PCDHA2: variants seen among roughly 807,000 people sequenced by gnomAD.
PCDHA2 encodes the protein protocadherin alpha-2.
Under a neutral mutation model 66.0 loss-of-function variants are expected in PCDHA2, and 58 were observed. The observed-to-expected ratio is 0.88, with a 90% CI of 0.71 to 1.09. PCDHA2 has a LOEUF of 1.09. PCDHA2 is among the 50% of genes least tolerant of loss of function. The pLI, the probability that PCDHA2 is intolerant of heterozygous loss-of-function variation, is 0.00. For missense variants in PCDHA2, 1,267 were observed against 1,242.3 expected (o/e 1.02, Z -0.30); for synonymous variants, 634 against 554.0 (o/e 1.14, Z -2.03).
At chr5:140,929,679 G>A (rs142104946) in intron 1 of PCDHA2, 4 of 303,052 alleles carry the variant, frequency 1.3e-5, no homozygotes, top group African/African-American at 2.2e-5. Context: ...TGAAAAATAT[G>A]TAAGAGTCTG....
chr5:140,854,013 T>A, intron 1 of PCDHA2: 16 of 343,618 alleles, frequency 4.7e-5, no homozygotes, highest in Non-Finnish European at 6.8e-5. Context: ...AAAAAAAAAA[T>A]TAGCCGGGCA....
At position 140,796,890 on chromosome 5, in the gene PCDHA2, C is replaced by T; in HGVS notation, c.1926C>T (p.Ser642=). 2 of 1,613,974 alleles carry T rather than the reference C, an allele frequency of 1.2e-6. No individual in the cohort carries two copies. Residue 642 remains serine, a synonymous_variant, in exon 1 of 4, where the codon TCC becomes TCT. Coordinates refer to ENST00000526136, the MANE Select transcript of PCDHA2 (RefSeq NM_018905.3). ...STTRALDEAD[S]PRHRLLVLVK... The stretch of plus-strand genomic sequence containing the variant: ...CACGTGCCCTAGACGAGGCTGACTC[C>T]CCTCGACACCGCCTACTCGTGCTGG...
intron 3 of PCDHA2, among the ~76,000 whole-genome samples, chr5:141,004,084 T>C (rs2098151963): frequency 6.6e-6 from 1 of 152,234 alleles, no homozygotes; most frequent in Non-Finnish European, 1.5e-5. Context: ...GGTAGAAATG[T>C]GCTTCTTCCG....
At chr5:140,821,787 C>T in intron 1 of PCDHA2, 2 of 1,611,374 alleles carry the variant, frequency 1.2e-6, no homozygotes, top group East Asian at 4.5e-5. Context: ...TGGTATATTC[C>T]CGGAGAGGAA....
At chr5:140,871,197 C>T (rs1554165260) in intron 1 of PCDHA2, 1 of 1,613,664 alleles carries the variant, frequency 6.2e-7, no homozygotes, top group Admixed American at 1.7e-5. Flanking sequence ...TCAACGTGTA[C>T]CTGATCATCG....
At position 140,875,988 on chromosome 5, in the gene PCDHA2, A is replaced by G. The variant is rs144050089; in HGVS notation, c.2388+78636A>G. On this transcript the variant is annotated intron_variant, in intron 1 of 3. Transcript: ENST00000526136. ...TAAACTCTCTTTTGACCTATGCGTT[A>G]AGTCTAAATGAGAATTTTGAGCTTA... 4,280 of 1,614,014 alleles carry G rather than the reference A, an allele frequency of 2.7e-3. 13 individuals are homozygous for G. The highest frequency in any genetic ancestry group is 3.4e-3 in the Non-Finnish European group (4,021 of 1,179,898).
At chr5:140,851,140 G>A in intron 1 of PCDHA2, 2 of 1,310,362 alleles carry the variant, frequency 1.5e-6, no homozygotes, top group East Asian at 5.4e-5. Context: ...TGATTAAAGT[G>A]ACATTGAATT....
intron 1 of PCDHA2, chr5:140,968,774 C>G: frequency 6.2e-7 from 1 of 1,614,206 alleles, no homozygotes; most frequent in Non-Finnish European, 8.5e-7. Flanking sequence ...AGAGCCATCA[C>G]TATCAGCCTC....
chr5:140,838,539 A>G (rs1185872182), intron 1 of PCDHA2, among the ~76,000 whole-genome samples: 1 of 151,946 alleles, frequency 6.6e-6, no homozygotes, highest in Admixed American at 6.6e-5. Context: ...TTATGGATAT[A>G]TCATGATTTA....
intron 1 of PCDHA2, chr5:140,797,571 C>T: frequency 1.5e-6 from 1 of 656,632 alleles, no homozygotes; most frequent in Non-Finnish European, 2.6e-6. Flanking sequence ...TTTGGCACTT[C>T]CATCATTAAG....
intron 1 of PCDHA2, chr5:140,852,044 T>C (rs1581270101): frequency 2.2e-6 from 2 of 922,218 alleles, no homozygotes; most frequent in South Asian, 5.0e-5. Context: ...GTTTTTGTTA[T>C]GTGGTTTATA....
intron 3 of PCDHA2, among the ~76,000 whole-genome samples, chr5:141,004,751 T>C (rs1323540564): frequency 2.0e-5 from 3 of 152,182 alleles, no homozygotes; most frequent in African/African-American, 7.2e-5. Flanking sequence ...TCTCAGTCTC[T>C]TAGAGACAGG....
chr5:140,884,967 G>A (rs895578956), intron 1 of PCDHA2, among the ~76,000 whole-genome samples: 2 of 152,134 alleles, frequency 1.3e-5, no homozygotes, highest in African/African-American at 4.8e-5. Context: ...CTCACGTTGT[G>A]AGAACTTAAA....
intron 1 of PCDHA2, among the ~76,000 whole-genome samples, chr5:140,819,727 T>C (rs1196998494): frequency 6.6e-6 from 1 of 152,070 alleles, no homozygotes; most frequent in African/African-American, 2.4e-5. Flanking sequence ...TTAACAGATA[T>C]GAAAGTGAAT....
chr5:140,918,051 A>G (rs782531005), intron 1 of PCDHA2, among the ~76,000 whole-genome samples: 2 of 151,984 alleles, frequency 1.3e-5, no homozygotes, highest in Non-Finnish European at 1.5e-5. Flanking sequence ...CATTTGTTTT[A>G]TCATCTCTGA....
chr5:140,895,822 T>A (rs1353175200), intron 1 of PCDHA2, among the ~76,000 whole-genome samples: 1 of 152,084 alleles, frequency 6.6e-6, no homozygotes, highest in Non-Finnish European at 1.5e-5. Context: ...TTGTATTGTA[T>A]TTTTTTCAGA....
At chr5:140,936,433 G>A (rs907839925) in intron 1 of PCDHA2, among the ~76,000 whole-genome samples, 4 of 152,126 alleles carry the variant, frequency 2.6e-5, no homozygotes, top group Admixed American at 2.6e-4. Flanking sequence ...ATTAATTTAA[G>A]CTTAAATAAC....
rs782031063 is a variant in PCDHA2 at position 140,808,432 on chromosome 5, C to T, written c.2388+11080C>T. On this transcript the variant is annotated intron_variant, in intron 1 of 3. Transcript: ENST00000526136. Reference sequence around the variant, plus strand: ...TGGTGCTGGACAGTGCCCTGGACCGCGAGAGCGTGTCAGCCTATGAGCTGG... The same window carrying T: ...TGGTGCTGGACAGTGCCCTGGACCGTGAGAGCGTGTCAGCCTATGAGCTGG... 2.4e-5 allele frequency: 39 copies of T among 1,614,166 alleles called. No individual in the cohort carries two copies. The East Asian group carries it at 8.2e-4, about 34-fold the overall frequency.
intron 1 of PCDHA2, chr5:140,877,829 C>T (rs1554170159): frequency 1.9e-6 from 3 of 1,594,494 alleles, no homozygotes; most frequent in Non-Finnish European, 2.6e-6. Context: ...TGTTTAAATC[C>T]TCCCAGTGAA....
Sources: allele counts gnomAD v4.1 joint callset (sites outside exome capture counted in the v4.1 genomes callset), GRCh38; gene constraint gnomAD v4.1.1; transcripts MANE v1.5; gene names NCBI Gene and HGNC (gene_info 2026-07-23, HGNC 2026-07-21).